FNDC3A: variants seen among roughly 807,000 people sequenced by gnomAD.
FNDC3A encodes the protein fibronectin type III domain containing 3A.
Under a neutral mutation model 148.9 loss-of-function variants are expected in FNDC3A, and 32 were observed. The observed-to-expected ratio is 0.21, with a 90% CI of 0.16 to 0.29. FNDC3A has a LOEUF of 0.29. Ranked by LOEUF, FNDC3A falls within the 10% of genes least tolerant of loss-of-function variation. The pLI is 1.00. For synonymous variants in FNDC3A, 472 were observed against 473.6 expected (o/e 1.00, Z 0.04); for missense variants, 1,191 against 1,452.8 (o/e 0.82, Z 2.93).
chr13:48,982,445 T>C (rs9943870), intron 1 of FNDC3A, among the ~76,000 whole-genome samples: 2,842 of 152,244 alleles, frequency 0.019, 93 homozygotes, highest in African/African-American at 0.063. Context: ...TGCTTCAGAT[T>C]GGTATTCCTG....
At chr13:49,182,668 T>C (rs371855151) in intron 14 of FNDC3A, among the ~76,000 whole-genome samples, 15 of 152,328 alleles carry the variant, frequency 9.8e-5, no homozygotes, top group East Asian at 9.6e-4. Flanking sequence ...GAGGTCTTTT[T>C]ATAGGTAAAG....
chr13:49,055,956 G>A (rs1018251072), intron 2 of FNDC3A, among the ~76,000 whole-genome samples: 5 of 152,112 alleles, frequency 3.3e-5, no homozygotes, highest in Admixed American at 3.3e-4. Flanking sequence ...GAAGGCTGAG[G>A]CAGGACGATC....
At chr13:49,040,258 T>G (rs1368225399) in intron 2 of FNDC3A, among the ~76,000 whole-genome samples, 1 of 152,218 alleles carries the variant, frequency 6.6e-6, no homozygotes, top group Non-Finnish European at 1.5e-5. Flanking sequence ...CTAAAAATGC[T>G]CACTAATTCT....
At chr13:49,168,149 G>A (rs373184177) in intron 9 of FNDC3A, among the ~76,000 whole-genome samples, 2 of 152,242 alleles carry the variant, frequency 1.3e-5, no homozygotes, top group African/African-American at 2.4e-5. Context: ...AGCACATGTG[G>A]TTGGGATTAT....
chr13:49,036,355 A>G (rs961434755), intron 2 of FNDC3A, among the ~76,000 whole-genome samples: 2 of 152,214 alleles, frequency 1.3e-5, no homozygotes, highest in African/African-American at 4.8e-5. Flanking sequence ...TACTAGTCAC[A>G]TTTCAAGTGC....
chr13:49,199,454 A>C (rs928743489), intron 23 of FNDC3A, among the ~76,000 whole-genome samples: 1 of 151,590 alleles, frequency 6.6e-6, no homozygotes, highest in East Asian at 1.9e-4. Context: ...CAGCCTCCCA[A>C]GTAGCTGGGA....
intron 1 of FNDC3A, among the ~76,000 whole-genome samples, chr13:48,999,097 C>G (rs1043375037): frequency 3.9e-5 from 6 of 152,174 alleles, no homozygotes; most frequent in African/African-American, 1.4e-4. Flanking sequence ...GCAGCAGAGC[C>G]TCATGGGAAG....
intron 2 of FNDC3A, among the ~76,000 whole-genome samples, chr13:49,027,535 G>A (rs899219535): frequency 2.0e-5 from 3 of 152,086 alleles, no homozygotes; most frequent in African/African-American, 7.2e-5. Context: ...TGGCTTATAA[G>A]GTATAAAAAT....
intron 4 of FNDC3A, among the ~76,000 whole-genome samples, chr13:49,120,257 G>A (rs908343782): frequency 1.1e-4 from 16 of 152,246 alleles, no homozygotes; most frequent in African/African-American, 3.9e-4. Context: ...ATAAGCGAAG[G>A]AGAAATAAAA....
rs2137939839 is a variant in FNDC3A at position 49,136,347 on chromosome 13, A to G, written c.506A>G (p.His169Arg). Residue 169 changes from histidine to arginine, a missense_variant, in exon 6 of 26, where the codon CAT becomes CGT. This residue lies in a region of FNDC3A where 426 missense variants were observed against 473.2 expected (regional missense o/e 0.90). Coordinates refer to ENST00000492622, the MANE Select transcript of FNDC3A (RefSeq NM_001079673.2). ...VYGDVDAHSTHGRSNFRDERS... is the reference protein window; with the variant it reads ...VYGDVDAHSTRGRSNFRDERS... ...TGCCTCCTAGATGCTCACTCTACACATGGAAGGTCCAACTTTAGAGATGAA... is the reference window on the plus strand; with the variant it reads ...TGCCTCCTAGATGCTCACTCTACACGTGGAAGGTCCAACTTTAGAGATGAA... The G allele has an allele frequency of 6.2e-7, 1 of 1,614,078 alleles. No individual in the cohort carries two copies. Among genetic ancestry groups the G allele is most frequent in the Non-Finnish European group, 8.5e-7 (1 of 1,179,960 alleles).
intron 23 of FNDC3A, among the ~76,000 whole-genome samples, chr13:49,199,997 C>T (rs1886351462): frequency 6.6e-6 from 1 of 152,170 alleles, no homozygotes; most frequent in Non-Finnish European, 1.5e-5. Context: ...AACAGTCATT[C>T]TAATGCCAAC....
At chr13:49,144,280 A>T (rs1041348113) in intron 7 of FNDC3A, among the ~76,000 whole-genome samples, 6 of 152,160 alleles carry the variant, frequency 3.9e-5, no homozygotes, top group Admixed American at 6.5e-5. Context: ...AGTTCATTGT[A>T]AATGAAACAC....
At chr13:49,037,373 T>C (rs1874570406) in intron 2 of FNDC3A, among the ~76,000 whole-genome samples, 1 of 152,196 alleles carries the variant, frequency 6.6e-6, no homozygotes, top group Non-Finnish European at 1.5e-5. Flanking sequence ...TAGCTAACCA[T>C]TGCTAAATGT....
chr13:49,150,668 C>T (rs759439548), intron 8 of FNDC3A, among the ~76,000 whole-genome samples: 11 of 151,802 alleles, frequency 7.2e-5, no homozygotes, highest in Non-Finnish European at 1.6e-4. Flanking sequence ...TTCTTGAGGC[C>T]GGGCACGGTG....
chr13:49,057,084 A>G (rs1876305734), intron 2 of FNDC3A, among the ~76,000 whole-genome samples: 1 of 152,164 alleles, frequency 6.6e-6, no homozygotes, highest in South Asian at 2.1e-4. Context: ...CCAGGTACTC[A>G]GGCTTGATGG....
chr13:49,055,674 C>T (rs1457727630), intron 2 of FNDC3A, among the ~76,000 whole-genome samples: 6 of 152,112 alleles, frequency 3.9e-5, no homozygotes, highest in African/African-American at 1.2e-4. Flanking sequence ...TTTAAATCTA[C>T]ATATAACCTG....
chr13:49,061,926 CTCT>C (rs1436958029), intron 2 of FNDC3A, among the ~76,000 whole-genome samples: 1 of 147,706 alleles, frequency 6.8e-6, no homozygotes, highest in East Asian at 2.0e-4. Context: ...CAGTGAAAGG[CTCT>C]TCTTGGAGAA....
chr13:48,989,309 A>C (rs1438968555), intron 1 of FNDC3A, among the ~76,000 whole-genome samples: 1 of 152,232 alleles, frequency 6.6e-6, no homozygotes, highest in Non-Finnish European at 1.5e-5. Flanking sequence ...TCTTACATGC[A>C]GTTCAAATTA....
rs140254734 is a variant in FNDC3A, at chr13:49,194,427, G to A, written c.2227-2450G>A. 4.9e-4 allele frequency among the ~76,000 whole-genome samples: 75 copies of A among 152,248 alleles called. No individual in the cohort carries two copies. The East Asian group carries it at 0.012, about 25-fold the overall frequency. ...CAAGATTACTTTTCACAAAGCAGGC[G>A]CATTATATCACCATTTTGCTCTGCC... On this transcript the variant is annotated intron_variant, in intron 19 of 25. Transcript: ENST00000492622.
Sources: allele counts gnomAD v4.1 joint callset (sites outside exome capture counted in the v4.1 genomes callset), GRCh38; gene constraint gnomAD v4.1.1; regional missense constraint gnomAD v4.1.1; transcripts MANE v1.5; gene names NCBI Gene and HGNC (gene_info 2026-07-23, HGNC 2026-07-21).